Variants in MOXD1 observed in about 807,000 individuals in gnomAD.
The protein encoded by MOXD1 is DBH-like monooxygenase protein 1.
Under a neutral mutation model 66.6 loss-of-function variants are expected in MOXD1, and 62 were observed. The ratio of observed to expected loss-of-function variants is 0.93; its 90% CI spans 0.76 to 1.15. The LOEUF (loss-of-function observed/expected upper bound fraction) is 1.15. Ranked by LOEUF, MOXD1 falls within the 50% of genes most tolerant of loss-of-function variation. The pLI, the probability that MOXD1 is intolerant of heterozygous loss-of-function variation, is 0.00. For synonymous variants in MOXD1, 303 were observed against 281.9 expected, an observed-to-expected ratio of 1.07 and a Z score of -0.75; for missense variants, 847 against 754.6, an observed-to-expected ratio of 1.12 and a Z score of -1.44.
chr6:132,326,051 A>G (rs1775181566), intron 6 of MOXD1, among the ~76,000 whole-genome samples: 2 of 152,200 alleles, frequency 1.3e-5, no homozygotes, highest in African/African-American at 4.8e-5. Flanking sequence ...TAAGTTTGAC[A>G]GGGAAAAAAT....
chr6:132,345,104 G>T (rs560869988), intron 4 of MOXD1, among the ~76,000 whole-genome samples: 1 of 152,284 alleles, frequency 6.6e-6, no homozygotes, highest in East Asian at 1.9e-4. Flanking sequence ...ATCGGCCACA[G>T]AATTTTCTGG....
chr6:132,323,253 GGGTCAATGGAATTAAATGAATCGCCCAT>G (rs1413275347), intron 7 of MOXD1, among the ~76,000 whole-genome samples: 3 of 152,170 alleles, frequency 2.0e-5, no homozygotes, highest in Non-Finnish European at 2.9e-5. Flanking sequence ...AAGCGAAAGT[GGGTCAATGGAATTAAATGAATCGCCCAT>G]GGTCCTACAG....
intron 4 of MOXD1, among the ~76,000 whole-genome samples, chr6:132,349,396 CATATATATACATATATATATATATACAT>C (rs1562289860): frequency 0.03 from 1,226 of 41,168 alleles, 130 homozygotes; most frequent in East Asian, 0.15. Context: ...TATATATACA[CATATATATACATATATATATATATACAT>C]ATATATATAT....
At chr6:132,321,441 T>C (rs1212442286) in intron 8 of MOXD1, among the ~76,000 whole-genome samples, 1 of 152,206 alleles carries the variant, frequency 6.6e-6, no homozygotes, top group Non-Finnish European at 1.5e-5. Context: ...CTTTATTTCC[T>C]TACAATAGAA....
At position 132,297,452 on chromosome 6, in the gene MOXD1, G is replaced by C. The variant is rs114407223; in HGVS notation, c.1678-135C>G. On this transcript the variant is annotated intron_variant, in intron 11 of 11. Transcript: ENST00000367963. ...GTTACCAAAGGAGTCACACACTGGG[G>C]GAGTCAGAAACCTAGGGTTAAGGAG... The C allele has an allele frequency of 3.7e-3, 3,324 of 893,876 alleles. 85 individuals carry two copies. In the African/African-American group the frequency reaches 0.049, roughly 13 times the overall value. The allele number at this position is 893,876 out of a possible 1,614,324, so 55.4% of individuals were successfully genotyped here.
intron 1 of MOXD1, among the ~76,000 whole-genome samples, chr6:132,400,652 T>C (rs900196509): frequency 1.3e-5 from 2 of 152,110 alleles, no homozygotes; most frequent in Non-Finnish European, 2.9e-5. Flanking sequence ...GGCCCTTCAT[T>C]CTTCTGGAGA....
rs191590598 is a variant in MOXD1 at position 132,348,574 on chromosome 6, A to C, written c.664-19980T>G. On this transcript the variant is annotated intron_variant, in intron 4 of 11. Transcript: ENST00000367963. ...TTTTTGTCAGAGTTTAAATATTCTC[A>C]GGTATGCAGCCATAAAAACTACATT... Among the ~76,000 whole-genome samples the C allele has an allele frequency of 3.8e-3, 581 of 152,334 alleles. 2 individuals are homozygous for C. The highest frequency in any genetic ancestry group is 0.027 in the Middle Eastern group (8 of 294).
intron 1 of MOXD1, among the ~76,000 whole-genome samples, chr6:132,389,082 AG>A (rs1313754052): frequency 1.3e-5 from 2 of 151,144 alleles, no homozygotes; most frequent in Admixed American, 6.6e-5. Context: ...TCTGTTGCCC[AG>A]GCTGGAGTGC....
intron 1 of MOXD1, among the ~76,000 whole-genome samples, chr6:132,387,645 T>C (rs1477331741): frequency 1.4e-5 from 2 of 147,590 alleles, no homozygotes; most frequent in African/African-American, 5.0e-5. Flanking sequence ...TCCTAGCTAC[T>C]CCGGAGGCTG....
intron 4 of MOXD1, among the ~76,000 whole-genome samples, chr6:132,359,366 A>G (rs1775968124): frequency 6.6e-6 from 1 of 152,122 alleles, no homozygotes; most frequent in Non-Finnish European, 1.5e-5. Context: ...AAGCCACTGC[A>G]TCTGCCTAGC....
At chr6:132,331,860 C>A (rs1159560675) in intron 4 of MOXD1, among the ~76,000 whole-genome samples, 3 of 152,202 alleles carry the variant, frequency 2.0e-5, no homozygotes, top group East Asian at 3.9e-4. Context: ...GAAGTTGCTG[C>A]CGGTGGGAGG....
intron 4 of MOXD1, among the ~76,000 whole-genome samples, chr6:132,347,356 G>C (rs1329171940): frequency 6.6e-6 from 1 of 152,128 alleles, no homozygotes; most frequent in African/African-American, 2.4e-5. Context: ...AAATAATTTT[G>C]TACTTTAATT....
chr6:132,373,127 T>G (rs1582600839), intron 2 of MOXD1, 130 bp from the exon 3 acceptor site: 2 of 852,376 alleles, frequency 2.3e-6, no homozygotes, highest in East Asian at 5.3e-5. Context: ...TTTGGAGTTA[T>G]CAACATGGTC....
chr6:132,359,775 C>T (rs561364883), intron 4 of MOXD1, among the ~76,000 whole-genome samples: 1 of 152,082 alleles, frequency 6.6e-6, no homozygotes, highest in African/African-American at 2.4e-5. Flanking sequence ...CGTGAGCCAC[C>T]GCGCCCGGCC....
Position 132,322,784 on chromosome 6 carries a change from A to T in MOXD1, c.1200T>A (p.Arg400=), listed in dbSNP as rs974799711. The T allele has an allele frequency of 5.0e-6, 8 of 1,614,170 alleles. No homozygotes were observed. Among genetic ancestry groups the T allele is most frequent in the Non-Finnish European group, 6.8e-6 (8 of 1,180,008 alleles). ...AHLAGRGIRL[R]HFRKGKEMKL... is the part of the protein sequence containing the mutation. The stretch of plus-strand genomic sequence containing the variant: ...TCATTTCCTTCCCTTTTCGAAAATG[A>T]CGCAGCCTGATGCCTCTGCCAGCCA... The change falls in exon 8 of 12, where the codon CGT becomes CGA. Residue 400 remains arginine, a synonymous_variant. Coordinates refer to ENST00000367963, the MANE Select transcript of MOXD1 (RefSeq NM_015529.4).
intron 4 of MOXD1, among the ~76,000 whole-genome samples, chr6:132,349,454 T>C (rs866682490): frequency 0.017 from 431 of 25,252 alleles, 41 homozygotes; most frequent in African/African-American, 0.041. Context: ...TATATATACA[T>C]ATATATATAT....
At position 132,315,814 on chromosome 6, in the gene MOXD1, C is replaced by A. The variant is rs753714747; in HGVS notation, c.1366-37G>T. 7 of 1,601,484 alleles carry A rather than the reference C, an allele frequency of 4.4e-6. No individual in the cohort carries two copies. The Middle Eastern group carries it at 9.9e-4, about 227-fold the overall frequency. On this transcript the variant is annotated intron_variant, in intron 9 of 11. Coordinates refer to ENST00000367963, the MANE Select transcript of MOXD1 (RefSeq NM_015529.4). ...TAGTTTATTTAGCAAAGTATGTGTT[C>A]TACCAACTTTGACATTTAAAGCACA...
chr6:132,370,989 CT>C (rs1776252596), intron 4 of MOXD1, among the ~76,000 whole-genome samples: 1 of 152,126 alleles, frequency 6.6e-6, no homozygotes, highest in Non-Finnish European at 1.5e-5. Flanking sequence ...TTTCATTCAA[CT>C]CAATTATTAG....
In MOXD1 at chr6:132,372,640, G is replaced by T. The variant is rs375392892; in HGVS notation, c.631C>A (p.Pro211Thr). 6.2e-7 allele frequency: 1 copy of T among 1,613,788 alleles called. No homozygotes were observed. The change falls in exon 4 of 12, where the codon CCT becomes ACT. Residue 211 changes from proline (P) to threonine (T), a missense_variant. Transcript: ENST00000367963. ...TTYWCQMFKI[P>T]VFQEKHHVIK... ...ACATGATGCTTTTCTTGGAACACAG[G>T]AATCTTAAACATTTGGCACCAATAT...
Sources: gnomAD v4.1 joint callset for allele counts (sites outside exome capture counted in the v4.1 genomes callset) on GRCh38, gnomAD v4.1.1 for gene constraint, MANE v1.5 for transcripts, NCBI Gene and HGNC (gene_info 2026-07-23, HGNC 2026-07-21) for gene names.